The following TMEM132D variants were observed in gnomAD, a reference collection of about 807,000 sequenced individuals.
The protein encoded by TMEM132D is mature OL transmembrane protein.
In TMEM132D, 21 loss-of-function variants were observed where a neutral mutation model predicts 62.3. The observed-to-expected ratio is 0.34, with a 90% confidence interval of 0.24 to 0.49. The LOEUF is 0.49. Ranked by LOEUF, TMEM132D falls within the 20% of genes least tolerant of loss-of-function variation. The pLI, the probability that TMEM132D is intolerant of heterozygous loss-of-function variation, is 0.99. For synonymous variants in TMEM132D, 621 were observed against 575.6 expected, an observed-to-expected ratio of 1.08 and a Z score of -1.13; for missense variants, 1,346 against 1,402.8, an observed-to-expected ratio of 0.96 and a Z score of 0.65.
intron 4 of TMEM132D, among the ~76,000 whole-genome samples, chr12:129,263,861 A>C (rs770224740): frequency 6.6e-6 from 1 of 152,134 alleles, no homozygotes; most frequent in Non-Finnish European, 1.5e-5. Context: ...AAGTGTATTC[A>C]GTACTGTGTG....
intron 2 of TMEM132D, among the ~76,000 whole-genome samples, chr12:129,597,627 A>G (rs1878373305): frequency 6.6e-6 from 1 of 152,222 alleles, no homozygotes; most frequent in Non-Finnish European, 1.5e-5. Context: ...CATTCCCCTA[A>G]GTGAAACATG....
At chr12:129,600,205 T>C (rs1006723690) in intron 2 of TMEM132D, among the ~76,000 whole-genome samples, 1 of 152,222 alleles carries the variant, frequency 6.6e-6, no homozygotes, top group South Asian at 2.1e-4. Context: ...TCACCAGGAG[T>C]AGATTCCATC....
intron 4 of TMEM132D, among the ~76,000 whole-genome samples, chr12:129,290,811 C>T (rs919578987): frequency 6.6e-6 from 1 of 152,158 alleles, no homozygotes; most frequent in African/African-American, 2.4e-5. Flanking sequence ...ATCTGTAACC[C>T]ATGGCAAGGA....
chr12:129,093,127 A>C (rs926021409), intron 5 of TMEM132D, among the ~76,000 whole-genome samples: 1 of 152,198 alleles, frequency 6.6e-6, no homozygotes, highest in African/African-American at 2.4e-5. Flanking sequence ...ACTAGACTGG[A>C]AGAGGATGTG....
At chr12:129,693,370 C>T (rs10847925) in intron 2 of TMEM132D, among the ~76,000 whole-genome samples, 34,654 of 152,058 alleles carry the variant, frequency 0.23, 4,174 homozygotes, top group Middle Eastern at 0.28. Flanking sequence ...AATACATAAA[C>T]GAGGGAAAAT....
At chr12:129,683,917 G>A (rs264516) in intron 2 of TMEM132D, among the ~76,000 whole-genome samples, 33,623 of 152,034 alleles carry the variant, frequency 0.22, 4,037 homozygotes, top group Middle Eastern at 0.28. Context: ...CAGTTGCTTT[G>A]AGTCTTGTTG....
Position 129,081,886 on chromosome 12 carries a change from C to A in TMEM132D, c.1796G>T (p.Gly599Val). The A allele has an allele frequency of 6.2e-7, 1 of 1,614,092 alleles. No individual in the cohort carries two copies. The highest frequency in any genetic ancestry group is 2.2e-5 in the East Asian group (1 of 44,864). Residue 599 changes from glycine to valine, a missense_variant, in exon 7 of 9, where the codon GGC becomes GTC. Gly to Val is a moderately radical substitution (Grantham distance 109). Transcript: ENST00000422113. ...CGTGATGTCCACTTGCCAGTCTGAG[C>A]CCAGCAGGTGGGCCAGGTGTCCCCC... is the stretch of plus-strand genomic sequence containing the variant. ...GPGGHLAHLL[G>V]SDWQVDITEL...
chr12:129,893,669 C>T (rs1875008406), intron 1 of TMEM132D, among the ~76,000 whole-genome samples: 1 of 152,166 alleles, frequency 6.6e-6, no homozygotes, highest in East Asian at 1.9e-4. Context: ...AGAAGGAGAC[C>T]AATGTAGCAC....
intron 3 of TMEM132D, among the ~76,000 whole-genome samples, chr12:129,445,621 C>A (rs1269294299): frequency 6.6e-6 from 1 of 152,100 alleles, no homozygotes; most frequent in Non-Finnish European, 1.5e-5. Context: ...CCCCTGGATC[C>A]AGCTGTGCCT....
intron 1 of TMEM132D, among the ~76,000 whole-genome samples, chr12:129,781,261 G>A (rs773788740): frequency 3.9e-4 from 59 of 152,096 alleles, no homozygotes; most frequent in Middle Eastern, 3.4e-3. Context: ...CTATGGTTGC[G>A]TCACAAGATT....
chr12:129,198,399 T>A (rs921178981), intron 5 of TMEM132D, among the ~76,000 whole-genome samples: 1 of 152,180 alleles, frequency 6.6e-6, no homozygotes, highest in African/African-American at 2.4e-5. Context: ...ATAGCGGAGT[T>A]ATGGAATCAA....
chr12:129,871,068 A>G (rs1461906699), intron 1 of TMEM132D, among the ~76,000 whole-genome samples: 2 of 152,122 alleles, frequency 1.3e-5, no homozygotes, highest in Non-Finnish European at 2.9e-5. Flanking sequence ...AAATGTGCCC[A>G]TTTCCCTTTG....
chr12:129,532,081 TATAAA>T (rs1336295289), intron 2 of TMEM132D, among the ~76,000 whole-genome samples: 6 of 152,106 alleles, frequency 3.9e-5, no homozygotes, highest in South Asian at 2.1e-4. Context: ...ATAAATAAAA[TATAAA>T]ATAAAATAAA....
intron 1 of TMEM132D, among the ~76,000 whole-genome samples, chr12:129,765,816 C>A (rs1224691034): frequency 6.6e-6 from 1 of 152,168 alleles, no homozygotes; most frequent in African/African-American, 2.4e-5. Context: ...ATTTTGATAT[C>A]CACAGGAGAG....
chr12:129,194,850 C>T (rs1251583785), intron 5 of TMEM132D, among the ~76,000 whole-genome samples: 2 of 152,160 alleles, frequency 1.3e-5, no homozygotes, highest in Admixed American at 6.5e-5. Flanking sequence ...TCTTCCTCCT[C>T]CCCATGATAA....
intron 1 of TMEM132D, among the ~76,000 whole-genome samples, chr12:129,774,165 G>T (rs1212631213): frequency 1.3e-5 from 2 of 152,194 alleles, no homozygotes; most frequent in South Asian, 2.1e-4. Context: ...CTGACCAGGG[G>T]TGTGTCCCAG....
intron 2 of TMEM132D, among the ~76,000 whole-genome samples, chr12:129,562,863 T>C (rs565058580): frequency 3.9e-5 from 6 of 152,328 alleles, no homozygotes; most frequent in African/African-American, 9.6e-5. Flanking sequence ...GAAAGTCCTC[T>C]TGGGAAGACT....
chr12:129,871,383 G>T (rs189464205), intron 1 of TMEM132D, among the ~76,000 whole-genome samples: 1 of 152,206 alleles, frequency 6.6e-6, no homozygotes, highest in African/African-American at 2.4e-5. Context: ...GCAAGCTGTG[G>T]AAAGAGGGTG....
intron 3 of TMEM132D, among the ~76,000 whole-genome samples, chr12:129,411,466 T>A (rs995012115): frequency 2.0e-5 from 3 of 152,184 alleles, no homozygotes; most frequent in Admixed American, 6.5e-5. Flanking sequence ...CCTTCCAGGT[T>A]CAAGGGATCT....
Sources: allele counts gnomAD v4.1 joint callset (sites outside exome capture counted in the v4.1 genomes callset), GRCh38; gene constraint gnomAD v4.1.1; transcripts MANE v1.5; gene names NCBI Gene and HGNC (gene_info 2026-07-23, HGNC 2026-07-21).